The following AGRN variants were observed in gnomAD, a reference collection of about 807,000 sequenced individuals.
The protein encoded by AGRN is agrin proteoglycan.
Under a neutral mutation model 211.0 loss-of-function variants are expected in AGRN, and 106 were observed. That is an observed-to-expected ratio of 0.50 (90% confidence interval 0.43 to 0.59). The LOEUF (loss-of-function observed/expected upper bound fraction) is 0.59. Among genes scored for constraint, AGRN ranks in the 20% least tolerant of loss-of-function variants. The pLI is 0.00. For missense variants in AGRN, 3,040 were observed against 2,982.6 expected (o/e 1.02, Z -0.45); for synonymous variants, 1,525 against 1,332.5 (o/e 1.14, Z -3.15).
At chr1:1,044,808 G>A (rs1645045148) in intron 12 of AGRN, among the ~76,000 whole-genome samples, 1 of 152,202 alleles carries the variant, frequency 6.6e-6, no homozygotes, top group African/African-American at 2.4e-5. Context: ...TCTGCAGAGG[G>A]GCGTTAACTG....
Position 1,043,578 on chromosome 1 carries a change from C to T in AGRN, c.1644C>T (p.Ala548=), listed in dbSNP as rs187850650. The T allele has an allele frequency of 2.4e-5, 38 of 1,605,126 alleles. 1 individual carries two copies. The highest frequency in any genetic ancestry group is 1.3e-4 in the Admixed American group (8 of 60,006). Residue 548 remains alanine, a synonymous_variant, in exon 9 of 36, where the codon GCC becomes GCT. Transcript: ENST00000379370. ...GCCGCTTTGGAGCCCTGTGCGAGGC[C>T]GAGACCGGGCGCTGCGTGTGCCCCT... The part of the protein sequence containing the change: ...GQCRFGALCE[A]ETGRCVCPSE...
At chr1:1,047,958 C>T in intron 22 of AGRN, 54 bp from the exon 23 acceptor site, 1 of 1,577,504 alleles carries the variant, frequency 6.3e-7, no homozygotes, top group African/African-American at 1.3e-5. Flanking sequence ...CCCTGCCCCT[C>T]ACCCCTTCCT....
intron 12 of AGRN, 57 bp from the exon 13 acceptor site, chr1:1,045,104 G>A: frequency 6.4e-7 from 1 of 1,568,196 alleles, no homozygotes; most frequent in South Asian, 1.1e-5. Context: ...GACTGGCTGG[G>A]TCCAGGGTGG....
In AGRN at chr1:1,044,096, C is replaced by T; in HGVS notation, c.2000-13C>T. 2 of 1,613,198 alleles carry T rather than the reference C, an allele frequency of 1.2e-6. No homozygotes were observed. Among genetic ancestry groups the T allele is most frequent in the Non-Finnish European group, 1.7e-6 (2 of 1,179,928 alleles). ...AAGAAGCCCCTGGGTGACTCTGCTCCCCTTCCCCGCAGCCGAGTGCGGTTC... is the reference window on the plus strand; with the variant it reads ...AAGAAGCCCCTGGGTGACTCTGCTCTCCTTCCCCGCAGCCGAGTGCGGTTC... On this transcript the variant is annotated splice_polypyrimidine_tract_variant and intron_variant, in intron 10 of 35. Transcript: ENST00000379370.
intron 2 of AGRN, among the ~76,000 whole-genome samples, chr1:1,025,906 C>T (rs1050879100): frequency 1.3e-5 from 2 of 152,166 alleles, no homozygotes; most frequent in Non-Finnish European, 2.9e-5. Context: ...GGTGGGAAGT[C>T]GGGGCTCGGT....
Position 1,045,812 on chromosome 1 carries a change from G to A in AGRN, c.2616G>A (p.Val872=), listed in dbSNP as rs1645074338. 6.2e-7 allele frequency: 1 copy of A among 1,612,906 alleles called. No homozygotes were observed. Among genetic ancestry groups the A allele is most frequent in the Non-Finnish European group, 8.5e-7 (1 of 1,179,948 alleles). ...MTGLCSCKPG[V]AGPKCGQCPD... is the part of the protein sequence containing the mutation. ...GGCTGTGCTCGTGTAAGCCCGGGGT[G>A]GCTGGACCCAAGTGTGGGCAGTGTC... The change falls in exon 15 of 36, where the codon GTG becomes GTA. Residue 872 remains valine, a synonymous_variant. Transcript: ENST00000379370.
intron 2 of AGRN, among the ~76,000 whole-genome samples, chr1:1,029,440 A>ACATCAGTGTCTATGCAGGCAGGTG (rs1644601795): frequency 1.0e-3 from 5 of 4,774 alleles, no homozygotes; most frequent in Admixed American, 2.3e-3. Context: ...GCAGGCAGGT[A>ACATCAGTGTCTATGCAGGCAGGTG]GGGGGAGGGG....
In AGRN at chr1:1,050,220, A is replaced by T. The variant is rs201572933; in HGVS notation, c.4880-13A>T. On this transcript the variant is annotated splice_polypyrimidine_tract_variant and intron_variant, in intron 27 of 35. Coordinates refer to ENST00000379370, the MANE Select transcript of AGRN (RefSeq NM_198576.4). ...GGGGGTCAGGACTGAGGCCTTGGTG[A>T]CTCTCCCTACAGCCTCGGGGCAGGA... The T allele has an allele frequency of 4.3e-6, 7 of 1,611,852 alleles. No homozygotes were observed. The highest frequency in any genetic ancestry group is 3.3e-5 in the Admixed American group (2 of 59,910).
At chr1:1,049,114 G>GGGGGGGGGGGGGGC in intron 24 of AGRN, 55 bp downstream of exon 24, 2 of 695,242 alleles carry the variant, frequency 2.9e-6, no homozygotes, top group South Asian at 2.2e-5. Context: ...GAGGGGACGG[G>GGGGGGGGGGGGGGC]CGGGGGAGGG....
chr1:1,022,650 C>A (rs1043747249), intron 2 of AGRN, among the ~76,000 whole-genome samples, 188 bp downstream of exon 2: 1 of 152,260 alleles, frequency 6.6e-6, no homozygotes, highest in Non-Finnish European at 1.5e-5. Flanking sequence ...TCCAAGCCCT[C>A]ACATTAGACA....
chr1:1,029,077 C>T (rs1334894795), intron 2 of AGRN, among the ~76,000 whole-genome samples: 2 of 113,940 alleles, frequency 1.8e-5, no homozygotes, highest in East Asian at 2.4e-4. Flanking sequence ...AGCCCCAGCC[C>T]CTCGTGGGCC....
At position 1,033,291 on chromosome 1, in the gene AGRN, C is replaced by G. The variant is rs1034933659; in HGVS notation, c.464-1986C>G. Among the ~76,000 whole-genome samples, 125 of 152,140 alleles carry G rather than the reference C, an allele frequency of 8.2e-4. 1 individual carries two copies. Among genetic ancestry groups the G allele is most frequent in the African/African-American group, 2.9e-3 (120 of 41,534 alleles). Reference sequence around the variant, plus strand: ...TCACCTCACTCCACCCTCCAGCTCGCGCCGCACCTGGGGCCCTCCCCCACC... The same window carrying G: ...TCACCTCACTCCACCCTCCAGCTCGGGCCGCACCTGGGGCCCTCCCCCACC... On this transcript the variant is annotated intron_variant, in intron 2 of 35. Coordinates refer to ENST00000379370, the MANE Select transcript of AGRN (RefSeq NM_198576.4).
rs771624428 is a variant in AGRN, at chr1:1,041,644, G to T, written c.1119G>T (p.Ser373=). The stretch of plus-strand genomic sequence containing the variant: ...AAAACGACTGTGTCATGGGCCGATC[G>T]GGGGCCGCCCGGGGTCTCCTCCTGC... ...TYENDCVMGR[S]GAARGLLLQK... The change falls in exon 6 of 36, where the codon TCG becomes TCT. Residue 373 remains serine (S), a synonymous_variant. Coordinates refer to ENST00000379370, the MANE Select transcript of AGRN (RefSeq NM_198576.4). 2 of 1,611,052 alleles carry T rather than the reference G, an allele frequency of 1.2e-6. No homozygotes were observed. Among genetic ancestry groups the T allele is most frequent in the Non-Finnish European group, 1.7e-6 (2 of 1,179,128 alleles).
chr1:1,034,606 C>A lies in AGRN; in HGVS notation c.464-671C>A, dbSNP rs567165468. ...ACACCCGGCAGCCGCCTGGCGCCTC[C>A]CTGCTGGTGCGAGGCTTCATGGTGC... On this transcript the variant is annotated intron_variant, in intron 2 of 35. Transcript: ENST00000379370. The A allele has an allele frequency of 5.6e-4, 553 of 986,304 alleles. 9 individuals are homozygous for A. The African/African-American group carries it at 9.1e-3, about 16-fold the overall frequency. The allele number at this position is 986,304 out of a possible 1,614,324, so 61.1% of individuals were successfully genotyped here.
chr1:1,046,549 T>A lies in AGRN; in HGVS notation c.3064T>A (p.Ser1022Thr), dbSNP rs772191494. Residue 1022 changes from serine to threonine, a missense_variant, in exon 18 of 36, where the codon TCA becomes ACA. Coordinates refer to ENST00000379370, the MANE Select transcript of AGRN (RefSeq NM_198576.4). ...CAGCCAGACCACCCCTCCGCCCTCA[T>A]CACGACCTCGGACCACTGCCAGCGT... ...AHSQTTPPPS[S>T]RPRTTASVPR... 2 of 1,609,578 alleles carry A rather than the reference T, an allele frequency of 1.2e-6. No homozygotes were observed. Among genetic ancestry groups the A allele is most frequent in the Admixed American group, 3.3e-5 (2 of 59,800 alleles).
At chr1:1,054,082 C>T (rs1190358777) in intron 34 of AGRN, 105 bp downstream of exon 34, 35 of 1,253,178 alleles carry the variant, frequency 2.8e-5, no homozygotes, top group Admixed American at 4.0e-5. Context: ...GGAGGACACG[C>T]CTTGCTGCCT....
chr1:1,027,925 G>A (rs1293871057), intron 2 of AGRN, among the ~76,000 whole-genome samples: 3 of 152,164 alleles, frequency 2.0e-5, no homozygotes, highest in Non-Finnish European at 4.4e-5. Context: ...CGCACCCCCC[G>A]CTGGAGAAGC....
intron 3 of AGRN, among the ~76,000 whole-genome samples, chr1:1,037,697 G>A (rs1204626752): frequency 6.6e-6 from 1 of 152,192 alleles, no homozygotes. Flanking sequence ...AGGGTCCTAG[G>A]TGTGTCACCT....
Position 1,052,008 on chromosome 1 carries a change from G to T in AGRN, c.5651+193G>T, listed in dbSNP as rs757367526. On this transcript the variant is annotated intron_variant, in intron 33 of 35. Transcript: ENST00000379370. Reference sequence around the variant, plus strand: ...TGTTTCCAAGCGAACTGGCCAATGAGATCCCCGTGTGAGTAGAGCTCGGCG... The same window carrying T: ...TGTTTCCAAGCGAACTGGCCAATGATATCCCCGTGTGAGTAGAGCTCGGCG... 6.5e-6 allele frequency: 10 copies of T among 1,537,204 alleles called. No individual in the cohort carries two copies. In the South Asian group the frequency reaches 7.2e-5, roughly 11 times the overall value.
Sources: gnomAD v4.1 joint callset for allele counts (sites outside exome capture counted in the v4.1 genomes callset) on GRCh38, gnomAD v4.1.1 for gene constraint, MANE v1.5 for transcripts, NCBI Gene and HGNC (gene_info 2026-07-23, HGNC 2026-07-21) for gene names.